PPP2R5E: variants seen among roughly 807,000 people sequenced by gnomAD.
PPP2R5E encodes the protein protein phosphatase 2 regulatory subunit B'epsilon.
PPP2R5E carries 4 observed loss-of-function variants against 65.3 expected under a neutral mutation model. The ratio of observed to expected loss-of-function variants is 0.06; its 90% CI spans 0.03 to 0.14. The LOEUF (loss-of-function observed/expected upper bound fraction) is 0.14, where lower values mean the gene tolerates loss of function less well. Among genes scored for constraint, PPP2R5E ranks in the 10% least tolerant of loss-of-function variants. The pLI, the probability that PPP2R5E is intolerant of heterozygous loss-of-function variation, is 1.00. For missense variants in PPP2R5E, 274 were observed against 556.1 expected, an observed-to-expected ratio of 0.49 and a Z score of 5.10; for synonymous variants, 183 against 187.4, an observed-to-expected ratio of 0.98 and a Z score of 0.19.
chr14:63,506,278 G>A (rs908741631), intron 2 of PPP2R5E, among the ~76,000 whole-genome samples: 2 of 151,864 alleles, frequency 1.3e-5, no homozygotes, highest in African/African-American at 4.8e-5. Flanking sequence ...CTGAAACCCC[G>A]TCTCTACTAA....
chr14:63,460,280 A>C lies in PPP2R5E; in HGVS notation c.158-6395T>G, dbSNP rs144870084. On this transcript the variant is annotated intron_variant, in intron 2 of 13. Coordinates refer to ENST00000337537, the MANE Select transcript of PPP2R5E (RefSeq NM_006246.5). ...TCAAATGAGGAAACTGACACCCAGAAAGGCTAAGTCATTTGTCCAACATGA... is the reference window on the plus strand; with the variant it reads ...TCAAATGAGGAAACTGACACCCAGACAGGCTAAGTCATTTGTCCAACATGA... 6.1e-3 allele frequency among the ~76,000 whole-genome samples: 926 copies of C among 152,298 alleles called. 4 individuals carry two copies. Among genetic ancestry groups the C allele is most frequent in the Middle Eastern group, 0.01 (3 of 294 alleles).
chr14:63,500,219 C>T (rs2139664086), intron 2 of PPP2R5E, among the ~76,000 whole-genome samples: 1 of 152,246 alleles, frequency 6.6e-6, no homozygotes, highest in East Asian at 1.9e-4. Flanking sequence ...AAATTAGTTT[C>T]AAAAGCAACT....
intron 2 of PPP2R5E, among the ~76,000 whole-genome samples, chr14:63,507,497 T>C (rs1422086061): frequency 1.4e-5 from 2 of 146,008 alleles, no homozygotes; most frequent in Non-Finnish European, 3.0e-5. Flanking sequence ...AAATAGATTA[T>C]GAAATGCAAA....
At chr14:63,532,238 G>C (rs1403200625) in intron 2 of PPP2R5E, among the ~76,000 whole-genome samples, 1 of 152,172 alleles carries the variant, frequency 6.6e-6, no homozygotes, top group Non-Finnish European at 1.5e-5. Context: ...GGGAAACTAG[G>C]AGAAGGGATG....
intron 1 of PPP2R5E, 68 bp downstream of exon 1, chr14:63,542,711 G>A (rs901153521): frequency 6.5e-6 from 1 of 153,268 alleles, no homozygotes; most frequent in Non-Finnish European, 1.5e-5. Context: ...GTGCCCCATA[G>A]GTTCCCCAGG....
At chr14:63,378,687 G>A (rs1485294590) in intron 13 of PPP2R5E, among the ~76,000 whole-genome samples, 2 of 152,028 alleles carry the variant, frequency 1.3e-5, no homozygotes, top group Non-Finnish European at 2.9e-5. Flanking sequence ...AAATTTTAAC[G>A]CTTAACCACA....
chr14:63,458,692 G>C (rs1184097149), intron 2 of PPP2R5E, among the ~76,000 whole-genome samples: 3 of 152,128 alleles, frequency 2.0e-5, no homozygotes, highest in African/African-American at 4.8e-5. Context: ...TGTGGAAATA[G>C]AGTGAATAAG....
chr14:63,510,593 C>T (rs1007261410), intron 2 of PPP2R5E, among the ~76,000 whole-genome samples: 6 of 152,160 alleles, frequency 3.9e-5, no homozygotes, highest in Non-Finnish European at 8.8e-5. Flanking sequence ...AAAGGAGACA[C>T]GCTGAGTATC....
intron 2 of PPP2R5E, chr14:63,508,025 G>A: frequency 6.8e-6 from 3 of 442,462 alleles, no homozygotes; most frequent in Non-Finnish European, 9.0e-6. Flanking sequence ...TCCAGCTTGA[G>A]TGGCACCTAA....
intron 3 of PPP2R5E, among the ~76,000 whole-genome samples, chr14:63,424,935 T>C (rs149601269): frequency 3.9e-5 from 6 of 152,278 alleles, no homozygotes; most frequent in Non-Finnish European, 8.8e-5. Flanking sequence ...GTTCAGAGCA[T>C]TGACTAAGAT....
At chr14:63,437,246 T>A (rs1458707180) in intron 3 of PPP2R5E, among the ~76,000 whole-genome samples, 2 of 152,152 alleles carry the variant, frequency 1.3e-5, no homozygotes, top group African/African-American at 4.8e-5. Context: ...TCATGAATAA[T>A]CCACCCCTTA....
At chr14:63,533,061 C>CT (rs920496957) in intron 2 of PPP2R5E, among the ~76,000 whole-genome samples, 1 of 152,048 alleles carries the variant, frequency 6.6e-6, no homozygotes, top group African/African-American at 2.4e-5. Context: ...CCTTGAACTC[C>CT]TGGGCTCAAG....
At chr14:63,417,730 C>G (rs894640067) in intron 4 of PPP2R5E, among the ~76,000 whole-genome samples, 1 of 152,046 alleles carries the variant, frequency 6.6e-6, no homozygotes, top group African/African-American at 2.4e-5. Context: ...TTTTTAATTA[C>G]AAGTACGTGG....
intron 4 of PPP2R5E, among the ~76,000 whole-genome samples, chr14:63,420,836 A>G (rs895308787): frequency 1.4e-5 from 2 of 140,956 alleles, no homozygotes. Flanking sequence ...GCGGATCACG[A>G]GGTCAAGAGA....
intron 5 of PPP2R5E, among the ~76,000 whole-genome samples, chr14:63,397,786 C>A (rs1594828502): frequency 6.7e-6 from 1 of 149,872 alleles, no homozygotes; most frequent in Admixed American, 6.7e-5. Flanking sequence ...TGCAGTGGCA[C>A]GATCTCAGCT....
chr14:63,386,260 T>G (rs1042051119), intron 11 of PPP2R5E, among the ~76,000 whole-genome samples: 1 of 152,288 alleles, frequency 6.6e-6, no homozygotes, highest in South Asian at 2.1e-4. Flanking sequence ...CATTACTGCA[T>G]GTTCACTATA....
chr14:63,423,670 T>A (rs909522131), intron 3 of PPP2R5E, among the ~76,000 whole-genome samples: 2 of 152,214 alleles, frequency 1.3e-5, no homozygotes, highest in African/African-American at 4.8e-5. Context: ...CATAATATAC[T>A]GCTCTGAAAG....
chr14:63,406,382 G>C (rs1031034550), intron 5 of PPP2R5E, among the ~76,000 whole-genome samples: 3 of 149,292 alleles, frequency 2.0e-5, no homozygotes, highest in African/African-American at 7.4e-5. Flanking sequence ...CTGCAATCCA[G>C]CCTGGGTGAC....
rs189931759 is a variant in PPP2R5E, at chr14:63,415,303, C to T, written c.457-71G>A. ...GAACAGTACTAAAAACCACCAAAAG[C>T]CTGTAACACTAAAAGTGACAGGGCT... On this transcript the variant is annotated intron_variant, in intron 4 of 13. Transcript: ENST00000337537. 286 of 1,047,354 alleles carry T rather than the reference C, an allele frequency of 2.7e-4. No homozygotes were observed. The African/African-American group carries it at 4.1e-3, about 15-fold the overall frequency. 64.9% of individuals were successfully genotyped at this position (1,047,354 alleles called of 1,614,324 possible). A position where few individuals can be genotyped will look rare whatever the true frequency, so the allele number is the denominator to read the frequency against.
Sources: gnomAD v4.1 joint callset for allele counts (sites outside exome capture counted in the v4.1 genomes callset) on GRCh38, gnomAD v4.1.1 for gene constraint, MANE v1.5 for transcripts, NCBI Gene and HGNC (gene_info 2026-07-23, HGNC 2026-07-21) for gene names.